Variants in ATXN10 observed in about 807,000 individuals in gnomAD.
ATXN10 encodes the protein ataxin-10.
Under a neutral mutation model 52.9 loss-of-function variants are expected in ATXN10, and 28 were observed. The observed-to-expected ratio is 0.53, with a 90% confidence interval of 0.39 to 0.73. ATXN10 has a LOEUF of 0.73. Ranked by LOEUF, ATXN10 falls within the 30% of genes least tolerant of loss-of-function variation. The pLI is 0.00. For missense variants in ATXN10, 565 were observed against 577.0 expected, an observed-to-expected ratio of 0.98 and a Z score of 0.21; for synonymous variants, 226 against 221.5, an observed-to-expected ratio of 1.02 and a Z score of -0.18.
At chr22:45,822,995 A>G (rs1928701507) in intron 10 of ATXN10, 1 of 265,326 alleles carries the variant, frequency 3.8e-6, no homozygotes, top group African/African-American at 2.3e-5. Context: ...GTATGTGTTG[A>G]AATAGTCTTT....
In ATXN10 at chr22:45,833,338, G is replaced by A. The variant is rs1016736619; in HGVS notation, c.1238-9653G>A. On this transcript the variant is annotated intron_variant, in intron 10 of 11. Transcript: ENST00000252934. This position sits in a 1 kb window ranked among gnomAD's most constrained non-coding sequence, Gnocchi z 4.3. ...GGCCATGGTAACTAATGCCATTGGA[G>A]CAAGTGCTACCAGATGCCCAGACAC... is the stretch of plus-strand genomic sequence containing the variant. Among the ~76,000 whole-genome samples the A allele has an allele frequency of 6.6e-6, 1 of 152,202 alleles. No individual in the cohort carries two copies. The highest frequency in any genetic ancestry group is 1.5e-5 in the Non-Finnish European group (1 of 68,032).
In ATXN10 at chr22:45,842,890, T is replaced by G. The variant is rs1929391624; in HGVS notation, c.1238-101T>G. 5 of 1,272,942 alleles carry G rather than the reference T, an allele frequency of 3.9e-6. No individual in the cohort carries two copies. The highest frequency in any genetic ancestry group is 5.7e-6 in the Non-Finnish European group (5 of 876,398). 78.9% of individuals were successfully genotyped at this position (1,272,942 alleles called of 1,614,324 possible). ...AGAAAACTTGTGGATTGATACTGGA[T>G]GTTCCGTGTTTCTGTGCTCCTCTAC... On this transcript the variant is annotated intron_variant, in intron 10 of 11. Transcript: ENST00000252934. The surrounding 1 kb of genome is among the most constrained non-coding windows in gnomAD (Gnocchi z 4.8).
chr22:45,726,446 A>G (rs1350328046), intron 6 of ATXN10, among the ~76,000 whole-genome samples: 5 of 152,036 alleles, frequency 3.3e-5, no homozygotes, highest in Non-Finnish European at 7.3e-5. Flanking sequence ...GTTTGTTTGC[A>G]CAAAGGTATT....
chr22:45,707,310 TATC>T (rs1267144367), intron 5 of ATXN10, among the ~76,000 whole-genome samples: 1 of 152,214 alleles, frequency 6.6e-6, no homozygotes, highest in Non-Finnish European at 1.5e-5. Context: ...TGTAATCTTT[TATC>T]ATTCTATTGA....
chr22:45,746,567 C>A (rs1393616170), intron 9 of ATXN10, among the ~76,000 whole-genome samples: 1 of 152,014 alleles, frequency 6.6e-6, no homozygotes, highest in Non-Finnish European at 1.5e-5. Context: ...TTTCTTTTTG[C>A]AACTGTAAAA....
chr22:45,694,640 G>T (rs1043545937), intron 3 of ATXN10, among the ~76,000 whole-genome samples: 3 of 152,092 alleles, frequency 2.0e-5, no homozygotes, highest in Non-Finnish European at 4.4e-5. Flanking sequence ...AAATTAGCTG[G>T]GTGTGATGGC....
chr22:45,753,500 G>A (rs1183186927), intron 9 of ATXN10, among the ~76,000 whole-genome samples: 1 of 140,134 alleles, frequency 7.1e-6, no homozygotes, highest in Non-Finnish European at 1.5e-5. Context: ...CCGCCTCCCG[G>A]GATTAAGCGA....
At chr22:45,695,822 T>C (rs1382204954) in intron 3 of ATXN10, among the ~76,000 whole-genome samples, 1 of 152,150 alleles carries the variant, frequency 6.6e-6, no homozygotes, top group Non-Finnish European at 1.5e-5. Context: ...GATGTTAATA[T>C]GTGTGCTTCT....
rs1265729421 is a variant in ATXN10 at position 45,824,002 on chromosome 22, C to G, written c.1237+16980C>G. The stretch of plus-strand genomic sequence containing the variant: ...AGAGCAAAGCACATCATGTTTACTT[C>G]TTCGTTTTTTGTTTGTTTGTTTGTT... On this transcript the variant is annotated intron_variant, in intron 10 of 11. Coordinates refer to ENST00000252934, the MANE Select transcript of ATXN10 (RefSeq NM_013236.4). This position sits in a 1 kb window ranked among gnomAD's most constrained non-coding sequence, Gnocchi z 5.2. 6.6e-6 allele frequency among the ~76,000 whole-genome samples: 1 copy of G among 152,176 alleles called. No individual in the cohort carries two copies. Among genetic ancestry groups the G allele is most frequent in the Non-Finnish European group, 1.5e-5 (1 of 68,036 alleles).
chr22:45,836,565 C>T (rs768891640), intron 10 of ATXN10, among the ~76,000 whole-genome samples: 3 of 152,132 alleles, frequency 2.0e-5, no homozygotes, highest in Non-Finnish European at 4.4e-5. Context: ...TTTTTCCTCT[C>T]AGTAAGAAAG....
intron 10 of ATXN10, among the ~76,000 whole-genome samples, chr22:45,815,327 G>C (rs1348983890): frequency 1.3e-5 from 2 of 152,144 alleles, no homozygotes; most frequent in African/African-American, 4.8e-5. Context: ...AGTTACGTGG[G>C]GTAGAAGGGT....
At chr22:45,740,641 A>C in intron 9 of ATXN10, 103 bp downstream of exon 9, 6 of 1,014,158 alleles carry the variant, frequency 5.9e-6, no homozygotes, top group Non-Finnish European at 9.2e-6. Flanking sequence ...AGGTGCTTAG[A>C]AAGTAGCTTG....
intron 9 of ATXN10, among the ~76,000 whole-genome samples, chr22:45,760,272 G>A (rs773474105): frequency 7.2e-5 from 11 of 152,178 alleles, no homozygotes; most frequent in Non-Finnish European, 1.5e-4. Context: ...GCATCTGAGA[G>A]TGTGCCCTCA....
At chr22:45,730,164 T>G (rs1925031499) in intron 7 of ATXN10, among the ~76,000 whole-genome samples, 1 of 151,858 alleles carries the variant, frequency 6.6e-6, no homozygotes, top group Non-Finnish European at 1.5e-5. Context: ...GGCAACATGG[T>G]GAAACCCCAT....
intron 7 of ATXN10, 128 bp downstream of exon 7, chr22:45,729,718 A>G (rs967751097): frequency 1.9e-6 from 2 of 1,068,378 alleles, no homozygotes; most frequent in Non-Finnish European, 2.8e-6. Flanking sequence ...GTATCCATAT[A>G]TGAGAATAGT....
At chr22:45,812,611 C>T (rs1569075075) in intron 10 of ATXN10, among the ~76,000 whole-genome samples, 1 of 152,116 alleles carries the variant, frequency 6.6e-6, no homozygotes, top group Admixed American at 6.5e-5. Flanking sequence ...GTAATTAGCA[C>T]CATCCAAGTT....
At chr22:45,777,941 A>T (rs963259568) in intron 9 of ATXN10, among the ~76,000 whole-genome samples, 2 of 152,194 alleles carry the variant, frequency 1.3e-5, no homozygotes, top group African/African-American at 4.8e-5. Context: ...GATTTAATGT[A>T]GGGGTGAGCA....
At chr22:45,802,069 G>T (rs1211018506) in intron 9 of ATXN10, among the ~76,000 whole-genome samples, 3 of 152,230 alleles carry the variant, frequency 2.0e-5, no homozygotes, top group Non-Finnish European at 4.4e-5. Flanking sequence ...CCTTAGCGGA[G>T]TGCCTACTCT....
At chr22:45,685,682 G>A (rs1295372447) in intron 1 of ATXN10, among the ~76,000 whole-genome samples, 2 of 152,168 alleles carry the variant, frequency 1.3e-5, no homozygotes, top group Non-Finnish European at 2.9e-5. Context: ...TGTAGAGAAG[G>A]TAAAGATGTA....
Sources: gnomAD v4.1 joint callset for allele counts (sites outside exome capture counted in the v4.1 genomes callset) on GRCh38, gnomAD v4.1.1 for gene constraint, Gnocchi (gnomAD v3.1) non-coding constraint, MANE v1.5 for transcripts, NCBI Gene and HGNC (gene_info 2026-07-23, HGNC 2026-07-21) for gene names.